LYST: variants seen among roughly 807,000 people sequenced by gnomAD.
The protein encoded by LYST is lysosomal trafficking regulator, also known as lysosomal-trafficking regulator.
LYST carries 192 observed loss-of-function variants against 413.6 expected under a neutral mutation model. The ratio of observed to expected loss-of-function variants is 0.46; its 90% CI spans 0.41 to 0.52. LYST has a LOEUF of 0.52. Ranked by LOEUF, LYST falls within the 20% of genes least tolerant of loss-of-function variation. LYST has a pLI of 0.00. For missense variants in LYST, 3,815 were observed against 4,499.9 expected (o/e 0.85, Z 4.35); for synonymous variants, 1,525 against 1,567.3 (o/e 0.97, Z 0.64).
At chr1:235,689,422 C>CT (rs1260346312) in intron 47 of LYST, among the ~76,000 whole-genome samples, 2 of 152,118 alleles carry the variant, frequency 1.3e-5, no homozygotes, top group Non-Finnish European at 2.9e-5. Context: ...TATGATCCTG[C>CT]TCCTATGTGG....
intron 45 of LYST, among the ~76,000 whole-genome samples, chr1:235,702,050 TA>T (rs111943484): frequency 0.044 from 6,653 of 152,278 alleles, 494 homozygotes; most frequent in African/African-American, 0.15. Flanking sequence ...TAAGGTCCTT[TA>T]CAACGTCTTT....
At chr1:235,805,149 T>C (rs1022513339) in intron 6 of LYST, among the ~76,000 whole-genome samples, 2 of 152,200 alleles carry the variant, frequency 1.3e-5, no homozygotes, top group African/African-American at 4.8e-5. Flanking sequence ...AGATTCCTTT[T>C]TAGTTGAGAA....
chr1:235,691,474 A>G (rs1660648011), intron 47 of LYST, among the ~76,000 whole-genome samples: 1 of 152,238 alleles, frequency 6.6e-6, no homozygotes, highest in South Asian at 2.1e-4. Flanking sequence ...AAAATCAGGT[A>G]TAAAAGATGG....
intron 45 of LYST, 101 bp from the exon 46 acceptor site, chr1:235,697,373 AT>A: frequency 1.2e-6 from 1 of 839,450 alleles, no homozygotes; most frequent in Non-Finnish European, 1.9e-6. Context: ...AGTAATATGG[AT>A]TATAAGCTCT....
chr1:235,842,375 T>A (rs958055881), intron 1 of LYST, among the ~76,000 whole-genome samples: 2 of 152,064 alleles, frequency 1.3e-5, no homozygotes, highest in Non-Finnish European at 2.9e-5. Context: ...GATGACAACA[T>A]CCACAGTGTG....
chr1:235,825,607 T>G (rs867879876), intron 3 of LYST, among the ~76,000 whole-genome samples: 7 of 152,090 alleles, frequency 4.6e-5, no homozygotes, highest in Middle Eastern at 3.2e-3. Flanking sequence ...AATAAAATAT[T>G]TAGAATAAAT....
chr1:235,840,896 G>A (rs1307314570), intron 1 of LYST, among the ~76,000 whole-genome samples: 1 of 152,156 alleles, frequency 6.6e-6, no homozygotes, highest in African/African-American at 2.4e-5. Context: ...GTGATTAATT[G>A]GATGGAGAAG....
intron 48 of LYST, among the ~76,000 whole-genome samples, chr1:235,684,364 A>G (rs1660051002): frequency 1.3e-5 from 2 of 152,234 alleles, no homozygotes; most frequent in Admixed American, 6.5e-5. Context: ...AGATAAAGCC[A>G]GGTTTTAAAA....
At chr1:235,820,620 C>T (rs1258287403) in intron 3 of LYST, among the ~76,000 whole-genome samples, 2 of 152,150 alleles carry the variant, frequency 1.3e-5, no homozygotes, top group African/African-American at 2.4e-5. Flanking sequence ...ATCTGTCTGC[C>T]TTGGCCTCTC....
rs1663290633 is a variant in LYST at position 235,720,753 on chromosome 1, G to A, written c.9468C>T (p.Ser3156=). The change falls in exon 40 of 53, where the codon TCC becomes TCT. Residue 3156 remains serine, a synonymous_variant. Transcript: ENST00000389793. The part of the protein sequence containing the change: ...LTHLNKHAGR[S]FNDLMQYPVF... ...CAGGATACTGCATGAGATCATTGAA[G>A]GATCGGCCAGCATGTTTGTTTAAGT... 6.2e-7 allele frequency: 1 copy of A among 1,614,108 alleles called. No individual in the cohort carries two copies. The highest frequency in any genetic ancestry group is 1.7e-4 in the Middle Eastern group (1 of 6,060).
chr1:235,845,036 G>A (rs1677639018), intron 1 of LYST, among the ~76,000 whole-genome samples: 1 of 152,116 alleles, frequency 6.6e-6, no homozygotes. Flanking sequence ...GTGGTGGCTT[G>A]CATTGTGAAT....
At chr1:235,705,567 G>A (rs185102725) in intron 44 of LYST, among the ~76,000 whole-genome samples, 42 of 151,832 alleles carry the variant, frequency 2.8e-4, no homozygotes, top group African/African-American at 8.5e-4. Context: ...TAAATTTTTT[G>A]TAGAGACAGG....
At chr1:235,692,832 G>A (rs1303761212) in intron 47 of LYST, among the ~76,000 whole-genome samples, 1 of 150,832 alleles carries the variant, frequency 6.6e-6, no homozygotes, top group Non-Finnish European at 1.5e-5. Context: ...GCCAGCCTGG[G>A]CAACATGGAG....
At chr1:235,801,315 T>C (rs1672189979) in intron 8 of LYST, among the ~76,000 whole-genome samples, 1 of 151,966 alleles carries the variant, frequency 6.6e-6, no homozygotes, top group Non-Finnish European at 1.5e-5. Flanking sequence ...TCAATAGAAC[T>C]ACAAATTTTA....
At chr1:235,790,835 T>A (rs531234398) in intron 12 of LYST, among the ~76,000 whole-genome samples, 15 of 152,290 alleles carry the variant, frequency 9.8e-5, no homozygotes, top group African/African-American at 2.6e-4. Context: ...TATTCTAATG[T>A]TGGAGAATGG....
chr1:235,678,758 C>T (rs773498807), intron 48 of LYST, among the ~76,000 whole-genome samples: 5 of 152,038 alleles, frequency 3.3e-5, no homozygotes, highest in African/African-American at 7.3e-5. Context: ...TACTACTAGC[C>T]TAAATTTTGT....
chr1:235,800,560 A>G (rs1426434217), intron 9 of LYST, among the ~76,000 whole-genome samples, 174 bp from the exon 10 acceptor site: 2 of 152,176 alleles, frequency 1.3e-5, no homozygotes, highest in Non-Finnish European at 2.9e-5. Context: ...TTTTCTTTTT[A>G]TACTGATTGA....
chr1:235,719,624 T>C (rs985111731), intron 40 of LYST, among the ~76,000 whole-genome samples: 6 of 62,210 alleles, frequency 9.6e-5, no homozygotes, highest in African/African-American at 9.5e-4. Context: ...CCATGCAGAA[T>C]GATAAAAAAA....
rs1659220224 is a variant in LYST at position 235,674,543 on chromosome 1, A to G, written c.11038+2548T>C. Among the ~76,000 whole-genome samples, 1 of 152,172 alleles carries G rather than the reference A, an allele frequency of 6.6e-6. No homozygotes were observed. The highest frequency in any genetic ancestry group is 2.4e-5 in the African/African-American group (1 of 41,442). ...CAGGATTTGAATCTATATTGTTCTC[A>G]TGGGTAACTGCAAGCAAAAATGTAG... is the stretch of plus-strand genomic sequence containing the variant. On this transcript the variant is annotated intron_variant, in intron 50 of 52. Coordinates refer to ENST00000389793, the MANE Select transcript of LYST (RefSeq NM_000081.4). This position sits in a 1 kb window ranked among gnomAD's most constrained non-coding sequence, Gnocchi z 4.1.
Sources: allele counts gnomAD v4.1 joint callset (sites outside exome capture counted in the v4.1 genomes callset), GRCh38; gene constraint gnomAD v4.1.1; non-coding constraint Gnocchi (gnomAD v3.1); transcripts MANE v1.5; gene names NCBI Gene and HGNC (gene_info 2026-07-23, HGNC 2026-07-21).